Variants in RABGAP1L observed in about 807,000 individuals in gnomAD.
RABGAP1L encodes the protein rab GTPase-activating protein 1-like.
A neutral mutation model predicts 137.7 loss-of-function variants in RABGAP1L; 63 were observed. The observed-to-expected ratio is 0.46, with a 90% CI of 0.37 to 0.56. RABGAP1L has a LOEUF of 0.56. Ranked by LOEUF, RABGAP1L falls within the 20% of genes least tolerant of loss-of-function variation. The pLI is 0.00. For missense variants in RABGAP1L, 1,095 were observed against 1,244.0 expected (o/e 0.88, Z 1.80); for synonymous variants, 431 against 433.7 (o/e 0.99, Z 0.08).
At chr1:174,800,270 G>T in intron 18 of RABGAP1L, 1 of 1,480,384 alleles carries the variant, frequency 6.8e-7, no homozygotes, top group Non-Finnish European at 9.0e-7. Context: ...CCCTCCCACC[G>T]CAGTTCTTAA....
chr1:174,444,963 G>C (rs1217077951), intron 13 of RABGAP1L, among the ~76,000 whole-genome samples: 6 of 152,024 alleles, frequency 3.9e-5, no homozygotes, highest in Admixed American at 3.3e-4. Context: ...ATTTTCACAA[G>C]TCTGTGATTA....
At chr1:174,668,217 C>G (rs1426982061) in intron 14 of RABGAP1L, among the ~76,000 whole-genome samples, 2 of 152,166 alleles carry the variant, frequency 1.3e-5, no homozygotes, top group African/African-American at 4.8e-5. Context: ...TTCCACCTAT[C>G]TAACTATAAT....
rs549280851 is a variant in RABGAP1L at position 174,182,301 on chromosome 1, A to G, written c.-34+22644A>G. Among the ~76,000 whole-genome samples the G allele has an allele frequency of 7.5e-4, 115 of 152,356 alleles. 1 individual carries two copies. Among genetic ancestry groups the G allele is most frequent in the African/African-American group, 2.5e-3 (105 of 41,590 alleles). ...GCTTTCTAAGCTAATTACCAGAATT[A>G]GTGGAATTTCTCTGTATTTTGGTTG... On this transcript the variant is annotated intron_variant, in intron 1 of 25. Transcript: ENST00000681986.
chr1:174,763,372 C>T (rs1035233559), intron 18 of RABGAP1L, among the ~76,000 whole-genome samples: 6 of 146,876 alleles, frequency 4.1e-5, no homozygotes, highest in African/African-American at 7.6e-5. Flanking sequence ...AAAAATTGGC[C>T]GGGCGCGGTG....
rs184964165 is a variant in RABGAP1L, at chr1:174,904,843, G to T, written c.2341-52614G>T. On this transcript the variant is annotated intron_variant, in intron 19 of 25. Coordinates refer to ENST00000681986, the MANE Select transcript of RABGAP1L (RefSeq NM_001366446.1). Reference sequence around the variant, plus strand: ...TTTAAAATTTGTTTGTAGAGACGGGGGTCTCACCATGTTGCCAAGGCTGGT... The same window carrying T: ...TTTAAAATTTGTTTGTAGAGACGGGTGTCTCACCATGTTGCCAAGGCTGGT... Among the ~76,000 whole-genome samples the T allele has an allele frequency of 2.0e-5, 3 of 152,066 alleles. No homozygotes were observed. The East Asian group carries it at 5.8e-4, about 29-fold the overall frequency.
chr1:174,682,281 T>TCC (rs1474807975), intron 14 of RABGAP1L, among the ~76,000 whole-genome samples: 1 of 144,920 alleles, frequency 6.9e-6, no homozygotes, highest in Non-Finnish European at 1.5e-5. Context: ...ACTCTCTCTC[T>TCC]CTCTCTCTCT....
intron 1 of RABGAP1L, among the ~76,000 whole-genome samples, chr1:174,197,503 T>TA (rs1667780618): frequency 6.6e-6 from 1 of 152,196 alleles, no homozygotes; most frequent in Non-Finnish European, 1.5e-5. Context: ...TTTGTTTCCT[T>TA]AATTTTGCTC....
chr1:174,598,299 G>T (rs1274049214), intron 13 of RABGAP1L, among the ~76,000 whole-genome samples: 1 of 139,506 alleles, frequency 7.2e-6, no homozygotes, highest in Non-Finnish European at 1.5e-5. Context: ...CTGCACTCCA[G>T]CCTGGCAGCA....
At chr1:174,340,492 C>A (rs990464299) in intron 11 of RABGAP1L, among the ~76,000 whole-genome samples, 1 of 152,128 alleles carries the variant, frequency 6.6e-6, no homozygotes, top group Non-Finnish European at 1.5e-5. Context: ...GTATTCTCAT[C>A]GTTCAGCTTC....
At chr1:174,606,684 C>A (rs989750306) in intron 13 of RABGAP1L, among the ~76,000 whole-genome samples, 7 of 152,148 alleles carry the variant, frequency 4.6e-5, no homozygotes, top group African/African-American at 1.7e-4. Flanking sequence ...GTTTTCCAAG[C>A]CAAAATTCAG....
intron 19 of RABGAP1L, among the ~76,000 whole-genome samples, chr1:174,883,395 T>C (rs1053186752): frequency 8.5e-5 from 13 of 152,130 alleles, no homozygotes; most frequent in African/African-American, 3.1e-4. Context: ...GTGGGATGAA[T>C]AGATAAGGCA....
At chr1:174,756,701 T>G in intron 18 of RABGAP1L, 1 of 257,060 alleles carries the variant, frequency 3.9e-6, no homozygotes, top group South Asian at 4.0e-5. Context: ...TTAAAATGAT[T>G]AGGAGAGAAA....
At chr1:174,873,476 A>C (rs890795630) in intron 19 of RABGAP1L, among the ~76,000 whole-genome samples, 1 of 151,426 alleles carries the variant, frequency 6.6e-6, no homozygotes, top group Non-Finnish European at 1.5e-5. Flanking sequence ...ATATAGGAAA[A>C]AGGTCTTGAC....
chr1:174,581,451 A>G (rs1012824280), intron 13 of RABGAP1L, among the ~76,000 whole-genome samples: 1 of 152,248 alleles, frequency 6.6e-6, no homozygotes, highest in Non-Finnish European at 1.5e-5. Flanking sequence ...TACATTTTAT[A>G]TGATTCTGCA....
intron 13 of RABGAP1L, among the ~76,000 whole-genome samples, chr1:174,415,914 A>C (rs2149144869): frequency 6.6e-6 from 1 of 151,714 alleles, no homozygotes; most frequent in East Asian, 1.9e-4. Flanking sequence ...TGGGATTCAA[A>C]ATGCTTATTG....
intron 19 of RABGAP1L, among the ~76,000 whole-genome samples, chr1:174,912,724 T>A (rs2149201172): frequency 6.6e-6 from 1 of 152,316 alleles, no homozygotes; most frequent in South Asian, 2.1e-4. Context: ...ATATATGTAG[T>A]CATATGTTTT....
chr1:174,797,761 T>G (rs556136541), intron 18 of RABGAP1L, among the ~76,000 whole-genome samples: 1 of 151,668 alleles, frequency 6.6e-6, no homozygotes, highest in East Asian at 1.9e-4. Flanking sequence ...AGGGATACAG[T>G]ATGAAAGGCC....
intron 11 of RABGAP1L, among the ~76,000 whole-genome samples, chr1:174,314,355 G>A (rs1229281146): frequency 6.6e-6 from 1 of 152,034 alleles, no homozygotes; most frequent in African/African-American, 2.4e-5. Context: ...CAGTGATAAT[G>A]TCTCTGTTTT....
At chr1:174,200,307 G>C (rs1427387347) in intron 1 of RABGAP1L, among the ~76,000 whole-genome samples, 1 of 152,140 alleles carries the variant, frequency 6.6e-6, no homozygotes, top group Non-Finnish European at 1.5e-5. Context: ...CTTACTCTTT[G>C]GCAAATTAAC....
Sources: allele counts gnomAD v4.1 joint callset (sites outside exome capture counted in the v4.1 genomes callset), GRCh38; gene constraint gnomAD v4.1.1; transcripts MANE v1.5; gene names NCBI Gene and HGNC (gene_info 2026-07-23, HGNC 2026-07-21).